The following PHLDB1 variants were observed in gnomAD, a reference collection of about 807,000 sequenced individuals.
The protein encoded by PHLDB1 is pleckstrin homology like domain family B member 1.
Under a neutral mutation model 139.3 loss-of-function variants are expected in PHLDB1, and 65 were observed. The observed-to-expected ratio is 0.47, with a 90% CI of 0.38 to 0.57. The LOEUF is 0.57. PHLDB1 is among the 20% of genes least tolerant of loss of function. The pLI is 0.00. For synonymous variants in PHLDB1, 679 were observed against 734.5 expected (o/e 0.92, Z 1.22); for missense variants, 1,624 against 1,839.7 (o/e 0.88, Z 2.14).
At chr11:118,607,147 G>A (rs1414000021), upstream of PHLDB1, among the ~76,000 whole-genome samples, 1 of 151,812 alleles carries the variant, frequency 6.6e-6, no homozygotes, top group Non-Finnish European at 1.5e-5. Flanking sequence ...TAGGGGCTTC[G>A]ATTTGGGAGG....
chr11:118,617,766 ACT>A (rs1941951618), intron 4 of PHLDB1, among the ~76,000 whole-genome samples: 1 of 151,972 alleles, frequency 6.6e-6, no homozygotes, highest in Non-Finnish European at 1.5e-5. Flanking sequence ...AAGGTCTCTG[ACT>A]TTGGATGAGA....
Position 118,616,048 on chromosome 11 carries a change from G to A in PHLDB1, c.192G>A (p.Thr64=), listed in dbSNP as rs372018235. The A allele has an allele frequency of 3.7e-5, 59 of 1,612,596 alleles. No individual in the cohort carries two copies. The highest frequency in any genetic ancestry group is 4.2e-5 in the Non-Finnish European group (50 of 1,179,200). The part of the protein sequence containing the change: ...ITLLPLEEGR[T]VIGSAARDIS... ...TTTGCCTCTTGTCTCCAGGGAGGAC[G>A]GTGATTGGCTCTGCAGCCAGAGACA... Residue 64 remains threonine (T), a synonymous_variant, in exon 4 of 23, where the codon ACG becomes ACA. Transcript: ENST00000600882.
chr11:118,641,573 T>G, intron 12 of PHLDB1: 1 of 1,211,182 alleles, frequency 8.3e-7, no homozygotes, highest in Middle Eastern at 2.3e-4. Flanking sequence ...CTGGTTCCAT[T>G]AACCTCTTAT....
intron 1 of PHLDB1, among the ~76,000 whole-genome samples, chr11:118,612,889 A>G (rs1296742187): frequency 6.6e-6 from 1 of 152,176 alleles, no homozygotes; most frequent in African/African-American, 2.4e-5. Flanking sequence ...GAAGTTTCTC[A>G]GCTTAGCTAG....
rs782759928 is a variant in PHLDB1 at position 118,645,410 on chromosome 11, C to T, written c.3176C>T (p.Ala1059Val). Residue 1059 changes from alanine to valine, a missense_variant, in exon 16 of 23, where the codon GCG becomes GTG. Physicochemically the swap from Ala to Val is moderately conservative, Grantham distance 64. Coordinates refer to ENST00000600882, the MANE Select transcript of PHLDB1 (RefSeq NM_001144758.3). This position sits in a 1 kb window ranked among gnomAD's most constrained non-coding sequence, Gnocchi z 5.1. ...CGACTGGCTGAGCTGAAGCAGAAAG[C>T]GGCAGCTGAGGCACAGTGCCAGTGG... Reference protein sequence around the residue: ...RRRLAELKQKAAAEAQCQWDA... With the variant: ...RRRLAELKQKVAAEAQCQWDA... The T allele has an allele frequency of 2.8e-5, 43 of 1,530,354 alleles. No homozygotes were observed. Among genetic ancestry groups the T allele is most frequent in the Admixed American group, 2.8e-4 (13 of 46,646 alleles). The allele number at this position is 1,530,354 out of a possible 1,614,324, so 94.8% of individuals were successfully genotyped here.
Position 118,645,614 on chromosome 11 carries a change from G to C in PHLDB1, c.3380G>C (p.Gly1127Ala). ...SDSMETSIST[G>A]GNSACSPDNM... is the part of the protein sequence containing the mutation. ...AGCATGGAGACCAGCATCTCCACCG[G>C]GGGCAACTCGGCCTGCTCCCCTGAC... is the stretch of plus-strand genomic sequence containing the variant. The change falls in exon 16 of 23, where the codon GGG (glycine) becomes GCG (alanine). Residue 1127 changes from glycine to alanine, a missense_variant. Physicochemically the swap from Gly to Ala is moderately conservative, Grantham distance 60. Transcript: ENST00000600882. The surrounding 1 kb of genome is among the most constrained non-coding windows in gnomAD (Gnocchi z 5.1). 1 of 1,613,234 alleles carries C rather than the reference G, an allele frequency of 6.2e-7. No individual in the cohort carries two copies. The highest frequency in any genetic ancestry group is 8.5e-7 in the Non-Finnish European group (1 of 1,179,376).
intron 18 of PHLDB1, among the ~76,000 whole-genome samples, chr11:118,649,358 C>T (rs1409586686): frequency 6.6e-6 from 1 of 152,152 alleles, no homozygotes; most frequent in Non-Finnish European, 1.5e-5. Flanking sequence ...GCTTGGCTTC[C>T]CTTTCCTGCT....
Position 118,628,645 on chromosome 11 carries a change from A to C in PHLDB1, c.1822A>C (p.Arg608=), listed in dbSNP as rs1944268191. 7 of 1,605,054 alleles carry C rather than the reference A, an allele frequency of 4.4e-6. No homozygotes were observed. The highest frequency in any genetic ancestry group is 5.9e-6 in the Non-Finnish European group (7 of 1,177,058). Residue 608 remains arginine, a synonymous_variant, in exon 6 of 23, where the codon AGG becomes CGG. Coordinates refer to ENST00000600882, the MANE Select transcript of PHLDB1 (RefSeq NM_001144758.3). ...GCGGCTCCGGGAGCAGGAGATGGAG[A>C]GGCTGGTGAGCGGGTGCCAGGGAGG... The part of the protein sequence containing the change: ...QERLREQEME[R]LERQRLETIL...
intron 15 of PHLDB1, 184 bp downstream of exon 15, chr11:118,644,358 G>C (rs1947099535): frequency 3.3e-6 from 2 of 601,492 alleles, no homozygotes; most frequent in Admixed American, 2.9e-5. Flanking sequence ...AAAGCCTTCA[G>C]GGCAGGAGAC....
chr11:118,643,867 C>T lies in PHLDB1; in HGVS notation c.2945C>T (p.Pro982Leu), dbSNP rs782500122. 1 of 1,613,352 alleles carries T rather than the reference C, an allele frequency of 6.2e-7. No homozygotes were observed. Among genetic ancestry groups the T allele is most frequent in the Non-Finnish European group, 8.5e-7 (1 of 1,179,570 alleles). ...PLPRTRSGPL[P>L]SSSGSSSSSS... Reference sequence around the variant, plus strand: ...CCCCGGACCCGCAGCGGCCCCCTCCCCTCCTCCTCTGGCTCTTCCTCCTCC... The same window carrying T: ...CCCCGGACCCGCAGCGGCCCCCTCCTCTCCTCCTCTGGCTCTTCCTCCTCC... The change falls in exon 14 of 23, where the codon CCC becomes CTC. Residue 982 changes from proline to leucine, a missense_variant. By Grantham distance (98) the Pro-to-Leu change is moderately conservative. Coordinates refer to ENST00000600882, the MANE Select transcript of PHLDB1 (RefSeq NM_001144758.3).
chr11:118,625,973 C>T (rs1204287281), intron 5 of PHLDB1, among the ~76,000 whole-genome samples: 2 of 152,182 alleles, frequency 1.3e-5, no homozygotes, highest in East Asian at 3.8e-4. Flanking sequence ...TTTACCCTGC[C>T]CCCACCCCAG....
Position 118,645,320 on chromosome 11 carries a change from G to A in PHLDB1, c.3122-36G>A, listed in dbSNP as rs781917030. ...AGTGGCCTGCTCCTTAGCTGCGTGG[G>A]GAGCCCACTGTGACTCCCATCTGTC... On this transcript the variant is annotated intron_variant, in intron 15 of 22. Coordinates refer to ENST00000600882, the MANE Select transcript of PHLDB1 (RefSeq NM_001144758.3). This position sits in a 1 kb window ranked among gnomAD's most constrained non-coding sequence, Gnocchi z 5.1. 7 of 1,488,494 alleles carry A rather than the reference G, an allele frequency of 4.7e-6. No individual in the cohort carries two copies. The highest frequency in any genetic ancestry group is 6.3e-6 in the Non-Finnish European group (7 of 1,114,832). 92.2% of individuals were successfully genotyped at this position (1,488,494 alleles called of 1,614,324 possible).
intron 9 of PHLDB1, chr11:118,634,766 T>A: frequency 4.3e-6 from 1 of 235,112 alleles, no homozygotes; most frequent in Non-Finnish European, 9.0e-6. Context: ...TCTAGCCTTT[T>A]TTTCTCCTCT....
chr11:118,611,818 CAAAAAAAAA>C lies in PHLDB1; in HGVS notation c.-21-1990_-21-1982del, dbSNP rs782515711. The stretch of plus-strand genomic sequence containing the variant: ...GGGCAACAAGAGTGAAACTCCGTCT[CAAAAAAAAA>C]AAAAAAATAATAATAATAATAATAA... On this transcript the variant is annotated intron_variant, in intron 1 of 22. Coordinates refer to ENST00000600882, the MANE Select transcript of PHLDB1 (RefSeq NM_001144758.3). This position sits in a 1 kb window ranked among gnomAD's most constrained non-coding sequence, Gnocchi z 4.7. 1.8e-5 allele frequency among the ~76,000 whole-genome samples: 2 copies of C among 109,048 alleles called. No homozygotes were observed. Among genetic ancestry groups the C allele is most frequent in the Non-Finnish European group, 4.4e-5 (2 of 45,434 alleles). 71.5% of individuals were successfully genotyped at this position (109,048 alleles called of 152,430 possible).
intron 20 of PHLDB1, chr11:118,651,079 A>T (rs985576643): frequency 6.4e-6 from 1 of 157,422 alleles, no homozygotes; most frequent in African/African-American, 2.4e-5. Flanking sequence ...TCCAGCATCT[A>T]GCCTAGTTTC....
intron 22 of PHLDB1, 82 bp downstream of exon 22, chr11:118,655,974 TC>T: frequency 1.0e-6 from 1 of 1,000,586 alleles, no homozygotes; most frequent in Non-Finnish European, 1.6e-6. Flanking sequence ...CTCCCCTTCA[TC>T]CCCCTCCCTT....
intron 4 of PHLDB1, among the ~76,000 whole-genome samples, chr11:118,619,330 A>G (rs1036768245): frequency 2.6e-5 from 4 of 152,062 alleles, no homozygotes; most frequent in African/African-American, 9.7e-5. Context: ...GGCTTGTGTG[A>G]GGGCCAGCAG....
intron 6 of PHLDB1, 63 bp from the exon 7 acceptor site, chr11:118,631,144 G>T: frequency 7.5e-7 from 1 of 1,340,174 alleles, no homozygotes; most frequent in Non-Finnish European, 9.7e-7. Flanking sequence ...ACTGAACCTG[G>T]CTCTATCCCC....
chr11:118,657,609 GC>G lies in PHLDB1; in HGVS notation c.*788del, dbSNP rs1949186867. ...GTCCAGCCCTCTCCCTTCCACTGGT[GC>G]CTTGCTTAGAGCCAGAAGGGATGAA... On this transcript the variant is annotated 3_prime_UTR_variant, in exon 23 of 23. Coordinates refer to ENST00000600882, the MANE Select transcript of PHLDB1 (RefSeq NM_001144758.3). 2 of 153,306 alleles carry G rather than the reference GC, an allele frequency of 1.3e-5. No homozygotes were observed. The highest frequency in any genetic ancestry group is 4.8e-5 in the African/African-American group (2 of 41,572). The allele number at this position is 153,306 out of a possible 1,614,324, so 9.5% of individuals were successfully genotyped here. A position where few individuals can be genotyped will look rare whatever the true frequency, so the allele number is the denominator to read the frequency against.
Sources: gnomAD v4.1 joint callset for allele counts (sites outside exome capture counted in the v4.1 genomes callset) on GRCh38, gnomAD v4.1.1 for gene constraint, Gnocchi (gnomAD v3.1) non-coding constraint, MANE v1.5 for transcripts, NCBI Gene and HGNC (gene_info 2026-07-23, HGNC 2026-07-21) for gene names.